KIF1A: variants seen among roughly 807,000 people sequenced by gnomAD.
KIF1A encodes the protein kinesin family member 1A.
Under a neutral mutation model 227.3 loss-of-function variants are expected in KIF1A, and 46 were observed. The observed-to-expected ratio is 0.20, with a 90% CI of 0.16 to 0.26. KIF1A has a LOEUF of 0.26. Among genes scored for constraint, KIF1A ranks in the 10% least tolerant of loss-of-function variants. KIF1A has a pLI of 1.00. For missense variants in KIF1A, 1,683 were observed against 2,485.9 expected, an observed-to-expected ratio of 0.68 and a Z score of 6.87; for synonymous variants, 1,022 against 1,012.8, an observed-to-expected ratio of 1.01 and a Z score of -0.17.
chr2:240,789,991 G>T lies in KIF1A; in HGVS notation c.107-679C>A, dbSNP rs773073998. Among the ~76,000 whole-genome samples, 11 of 152,072 alleles carry T rather than the reference G, an allele frequency of 7.2e-5. No homozygotes were observed. The highest frequency in any genetic ancestry group is 1.3e-4 in the Admixed American group (2 of 15,280). On this transcript the variant is annotated intron_variant, in intron 2 of 48. Transcript: ENST00000498729. The surrounding 1 kb of genome is among the most constrained non-coding windows in gnomAD (Gnocchi z 4.8). ...TGCCCCCGCCCACAGCCGGTGCCTG[G>T]GGGGGTTTCCCAGGAGCTGTCCCAG...
rs868653004 is a variant in KIF1A, at chr2:240,768,387, C to T, written c.1497+746G>A. ...GCTCTTCTCAGGCCCTTCCTGTCTCCGGACCTCAGCGCGTGCTGGGCCGGC... is the reference window on the plus strand; with the variant it reads ...GCTCTTCTCAGGCCCTTCCTGTCTCTGGACCTCAGCGCGTGCTGGGCCGGC... On this transcript the variant is annotated intron_variant, in intron 17 of 48. Coordinates refer to ENST00000498729, the MANE Select transcript of KIF1A (RefSeq NM_001244008.2). Among the ~76,000 whole-genome samples, 22 of 152,362 alleles carry T rather than the reference C, an allele frequency of 1.4e-4. No homozygotes were observed. In the Middle Eastern group the frequency reaches 0.02, roughly 141 times the overall value.
At chr2:240,779,877 G>T in intron 10 of KIF1A, among the ~76,000 whole-genome samples, 1 of 151,976 alleles carries the variant, frequency 6.6e-6, no homozygotes, top group Non-Finnish European at 1.5e-5. Flanking sequence ...GGCTCCACAC[G>T]CAGGCTGTCC....
intron 14 of KIF1A, 149 bp downstream of exon 14, chr2:240,772,421 G>C (rs1402071107): frequency 3.0e-6 from 2 of 663,582 alleles, no homozygotes; most frequent in Non-Finnish European, 5.4e-6. Flanking sequence ...CTGTGGCTGA[G>C]GGAGAGCAGT....
At chr2:240,743,569 C>T (rs972047412) in intron 33 of KIF1A, among the ~76,000 whole-genome samples, 3 of 152,118 alleles carry the variant, frequency 2.0e-5, no homozygotes, top group African/African-American at 4.8e-5. Context: ...GGAGCTAGGC[C>T]GGGCTTCCCC....
Position 240,790,244 on chromosome 2 carries a change from C to G in KIF1A, c.107-932G>C, listed in dbSNP as rs1423640570. ...TTGACAGAGGCCTGGAGGCCTGAGGCAGTCCCCTCCCAGGTTCTCACACCC... is the reference window on the plus strand; with the variant it reads ...TTGACAGAGGCCTGGAGGCCTGAGGGAGTCCCCTCCCAGGTTCTCACACCC... On this transcript the variant is annotated intron_variant, in intron 2 of 48. Transcript: ENST00000498729. The surrounding 1 kb of genome is among the most constrained non-coding windows in gnomAD (Gnocchi z 5.0). 6.6e-6 allele frequency among the ~76,000 whole-genome samples: 1 copy of G among 152,212 alleles called. No individual in the cohort carries two copies. The highest frequency in any genetic ancestry group is 1.5e-5 in the Non-Finnish European group (1 of 68,042).
At chr2:240,771,154 G>A (rs769025289) in intron 14 of KIF1A, 50 bp from the exon 15 acceptor site, 33 of 1,611,674 alleles carry the variant, frequency 2.0e-5, no homozygotes, top group Non-Finnish European at 2.7e-5. Context: ...CACGGTTAAG[G>A]TTATTGTTCT....
chr2:240,810,591 C>T (rs1317438146), intron 1 of KIF1A, among the ~76,000 whole-genome samples: 2 of 152,192 alleles, frequency 1.3e-5, no homozygotes, highest in African/African-American at 4.8e-5. Flanking sequence ...GAGAAATACA[C>T]CCAAATGCAG....
chr2:240,756,216 G>A (rs2049831276), intron 27 of KIF1A, among the ~76,000 whole-genome samples: 1 of 152,144 alleles, frequency 6.6e-6, no homozygotes, highest in African/African-American at 2.4e-5. Flanking sequence ...CCAAGCTCCA[G>A]ACTTTTGAAA....
At chr2:240,748,646 GC>G in intron 28 of KIF1A, 1 of 293,090 alleles carries the variant, frequency 3.4e-6, no homozygotes. Context: ...GAGTATTGCA[GC>G]CCTGGTAAAC....
intron 1 of KIF1A, chr2:240,819,103 T>A (rs1575688127): frequency 7.2e-6 from 1 of 139,714 alleles, no homozygotes; most frequent in African/African-American, 2.6e-5. Context: ...CAACCCCACC[T>A]ACCGGCGCCC....
At chr2:240,738,186 A>G (rs938656321) in intron 37 of KIF1A, among the ~76,000 whole-genome samples, 2 of 152,178 alleles carry the variant, frequency 1.3e-5, no homozygotes, top group African/African-American at 4.8e-5. Context: ...GCCTGCACTT[A>G]AGCAGTGTTT....
chr2:240,801,296 A>C (rs976839194), intron 1 of KIF1A, among the ~76,000 whole-genome samples: 1 of 136,420 alleles, frequency 7.3e-6, no homozygotes, highest in Non-Finnish European at 1.5e-5. Flanking sequence ...ATTTTTCCAG[A>C]GGACTGGAAA....
At position 240,805,246 on chromosome 2, in the gene KIF1A, T is replaced by C. The variant is rs540913594; in HGVS notation, c.-60-7434A>G. On this transcript the variant is annotated intron_variant, in intron 1 of 48. Coordinates refer to ENST00000498729, the MANE Select transcript of KIF1A (RefSeq NM_001244008.2). ...GACTTCAGATATTAAAATTGTGAAATACAGATTATAAAAATAAGTTGGCTT... is the reference window on the plus strand; with the variant it reads ...GACTTCAGATATTAAAATTGTGAAACACAGATTATAAAAATAAGTTGGCTT... Among the ~76,000 whole-genome samples, 5 of 152,146 alleles carry C rather than the reference T, an allele frequency of 3.3e-5. No homozygotes were observed. The South Asian group carries it at 8.3e-4, about 25-fold the overall frequency.
chr2:240,762,672 G>A, intron 23 of KIF1A, 47 bp downstream of exon 23: 1 of 1,514,696 alleles, frequency 6.6e-7, no homozygotes, highest in Non-Finnish European at 8.9e-7. Context: ...CCACCTCCAT[G>A]CTGAGACCCT....
At chr2:240,724,140 C>G (rs2045718973) in intron 40 of KIF1A, 104 bp from the exon 41 acceptor site, 1 of 995,056 alleles carries the variant, frequency 1.0e-6, no homozygotes, top group Non-Finnish European at 1.6e-6. Context: ...CACAGTCAGC[C>G]TGGCTGGGGT....
Position 240,725,513 on chromosome 2 carries a change from G to A in KIF1A, c.4123-109C>T. 8.1e-7 allele frequency: 1 copy of A among 1,232,794 alleles called. No individual in the cohort carries two copies. Among genetic ancestry groups the A allele is most frequent in the South Asian group, 1.4e-5 (1 of 69,574 alleles). 76.4% of individuals were successfully genotyped at this position (1,232,794 alleles called of 1,614,324 possible). On this transcript the variant is annotated intron_variant, in intron 39 of 48. Transcript: ENST00000498729. This position sits in a 1 kb window ranked among gnomAD's most constrained non-coding sequence, Gnocchi z 5.8. Reference sequence around the variant, plus strand: ...GCCCAGCACCGACAGGCAGCCCCAGGGCCTTCCCAGGGCCTCAGGTGTGGC... The same window carrying A: ...GCCCAGCACCGACAGGCAGCCCCAGAGCCTTCCCAGGGCCTCAGGTGTGGC...
chr2:240,741,458 CG>C, intron 34 of KIF1A, 81 bp from the exon 35 acceptor site: 1 of 1,140,130 alleles, frequency 8.8e-7, no homozygotes, highest in Non-Finnish European at 1.2e-6. Context: ...GAGGAGATGC[CG>C]GGGCCAAAGG....
At position 240,795,166 on chromosome 2, in the gene KIF1A, T is replaced by C. The variant is rs527894382; in HGVS notation, c.106+2481A>G. 4.6e-5 allele frequency among the ~76,000 whole-genome samples: 7 copies of C among 152,288 alleles called. No homozygotes were observed. In the South Asian group the frequency reaches 1.0e-3, roughly 23 times the overall value. ...ACCTACCAGTTGCCCAAAAAAAGTG[T>C]AGGGGCTCCTGCATTTCCCTCCTGA... On this transcript the variant is annotated intron_variant, in intron 2 of 48. Transcript: ENST00000498729.
rs765149622 is a variant in KIF1A, at chr2:240,769,166, A to T, written c.1464T>A (p.Asp488Glu). ...LAEMGVAMRE[D>E]GGTLGVFSPK... ...GAGAGAATACGCCCAAGGTGCCGCCATCCTCCCTCATGGCCACACCCATCT... is the reference window on the plus strand; with the variant it reads ...GAGAGAATACGCCCAAGGTGCCGCCTTCCTCCCTCATGGCCACACCCATCT... The change falls in exon 17 of 49, where the codon GAT (aspartate) becomes GAA (glutamate). Residue 488 changes from aspartate (D) to glutamate (E), a missense_variant. Transcript: ENST00000498729. The T allele has an allele frequency of 2.5e-6, 4 of 1,611,228 alleles. No homozygotes were observed.
Sources: gnomAD v4.1 joint callset for allele counts (sites outside exome capture counted in the v4.1 genomes callset) on GRCh38, gnomAD v4.1.1 for gene constraint, Gnocchi (gnomAD v3.1) non-coding constraint, MANE v1.5 for transcripts, NCBI Gene and HGNC (gene_info 2026-07-23, HGNC 2026-07-21) for gene names.